The following TMEM130 variants were observed in gnomAD, a reference collection of about 807,000 sequenced individuals.
TMEM130 encodes the protein transmembrane protein 130.
TMEM130 carries 37 observed loss-of-function variants against 42.9 expected under a neutral mutation model. The observed-to-expected ratio is 0.86, with a 90% CI of 0.66 to 1.13. The LOEUF is 1.13. TMEM130 is among the 50% of genes most tolerant of loss of function. The pLI is 0.00. For synonymous variants in TMEM130, 259 were observed against 237.7 expected, an observed-to-expected ratio of 1.09 and a Z score of -0.82; for missense variants, 545 against 562.6, an observed-to-expected ratio of 0.97 and a Z score of 0.32.
chr7:98,848,288 G>A (rs782655052), intron 7 of TMEM130, 80 bp from the exon 8 acceptor site: 14 of 1,570,222 alleles, frequency 8.9e-6, no homozygotes, highest in Non-Finnish European at 1.2e-5. Context: ...CACCCACCAG[G>A]AGCCCCATCA....
chr7:98,863,011 A>G (rs1045977483), intron 2 of TMEM130, 84 bp downstream of exon 2: 6 of 1,451,820 alleles, frequency 4.1e-6, no homozygotes, highest in Admixed American at 3.7e-5. Flanking sequence ...CCTAATCTGC[A>G]TTGATCTGAT....
chr7:98,850,942 C>T (rs188740240), intron 6 of TMEM130, among the ~76,000 whole-genome samples: 88 of 152,184 alleles, frequency 5.8e-4, no homozygotes, highest in Middle Eastern at 3.4e-3. Context: ...TGGTTGCTTT[C>T]GGTCCACAAA....
chr7:98,849,047 C>T (rs547737508), intron 6 of TMEM130, among the ~76,000 whole-genome samples: 1 of 152,198 alleles, frequency 6.6e-6, no homozygotes, highest in African/African-American at 2.4e-5. Context: ...TGAGTCTAAG[C>T]CATAAGAGAC....
In TMEM130 at chr7:98,863,116, A is replaced by C. The variant is rs1554400072; in HGVS notation, c.370T>G (p.Phe124Val). The stretch of plus-strand genomic sequence containing the variant: ...TCACCTGTGATGGGGAGGACCACAA[A>C]GCCCCTGGCCACAGGCTGGCACATC... ...CWMCQPVARG[F>V]VVLPITEFLV... Residue 124 changes from phenylalanine to valine, a missense_variant, in exon 2 of 8, where the codon TTT (phenylalanine) becomes GTT (valine). Physicochemically the swap from Phe to Val is conservative, Grantham distance 50. Transcript: ENST00000339375. 2 of 1,613,170 alleles carry C rather than the reference A, an allele frequency of 1.2e-6. No homozygotes were observed. The highest frequency in any genetic ancestry group is 3.3e-5 in the Admixed American group (2 of 60,014).
At chr7:98,857,497 C>T (rs559509936) in intron 3 of TMEM130, among the ~76,000 whole-genome samples, 2 of 152,050 alleles carry the variant, frequency 1.3e-5, no homozygotes, top group East Asian at 2.0e-4. Context: ...CCCAGAAGTT[C>T]GAGACCAGCC....
intron 5 of TMEM130, among the ~76,000 whole-genome samples, chr7:98,854,330 G>A (rs140544899): frequency 1.3e-5 from 2 of 152,148 alleles, no homozygotes; most frequent in Non-Finnish European, 2.9e-5. Context: ...CTGGAAAATA[G>A]GCCACGTCAT....
At chr7:98,851,701 G>C in intron 5 of TMEM130, 78 bp from the exon 6 acceptor site, 1 of 1,350,816 alleles carries the variant, frequency 7.4e-7, no homozygotes, top group South Asian at 1.5e-5. Flanking sequence ...AGACAGGCCA[G>C]GTGGGCAGGA....
chr7:98,848,535 C>T, intron 7 of TMEM130, 48 bp downstream of exon 7: 1 of 1,335,774 alleles, frequency 7.5e-7, no homozygotes, highest in Non-Finnish European at 1.1e-6. Context: ...TAAACATCCT[C>T]TCTAGGCAAG....
intron 7 of TMEM130, 164 bp from the exon 8 acceptor site, chr7:98,848,372 A>G (rs1401088262): frequency 8.3e-6 from 7 of 844,564 alleles, no homozygotes; most frequent in African/African-American, 6.9e-5. Context: ...CAGATGCAAG[A>G]GATGGATATA....
intron 1 of TMEM130, among the ~76,000 whole-genome samples, chr7:98,864,378 T>TTTA: frequency 6.7e-6 from 1 of 150,232 alleles, no homozygotes; most frequent in South Asian, 2.1e-4. Context: ...GGCTGATTTT[T>TTTA]TTCTTTTTTT....
chr7:98,855,860 C>T (rs531429975), intron 4 of TMEM130, among the ~76,000 whole-genome samples, 157 bp downstream of exon 4: 51 of 152,328 alleles, frequency 3.3e-4, no homozygotes, highest in African/African-American at 1.2e-3. Context: ...TGGCCTGCAG[C>T]GCTCTGTCTG....
intron 6 of TMEM130, among the ~76,000 whole-genome samples, chr7:98,850,266 TA>T (rs1347910589): frequency 0.03 from 1,550 of 52,190 alleles, 56 homozygotes; most frequent in African/African-American, 0.085. Flanking sequence ...TATATATATA[TA>T]TATATATTTT....
At chr7:98,862,792 G>A (rs558622824) in intron 2 of TMEM130, among the ~76,000 whole-genome samples, 295 of 152,226 alleles carry the variant, frequency 1.9e-3, no homozygotes, top group Non-Finnish European at 3.3e-3. Flanking sequence ...GAGCCACCGC[G>A]CCCAGCTGAG....
rs142686387 is a variant in TMEM130 at position 98,852,446 on chromosome 7, A to G, written c.804-823T>C. Among the ~76,000 whole-genome samples, 1,294 of 151,946 alleles carry G rather than the reference A, an allele frequency of 8.5e-3. 12 individuals are homozygous for G. Among genetic ancestry groups the G allele is most frequent in the Middle Eastern group, 0.027 (8 of 294 alleles). On this transcript the variant is annotated intron_variant, in intron 5 of 7. Coordinates refer to ENST00000339375, the MANE Select transcript of TMEM130 (RefSeq NM_152913.3). ...CGCCTGGCCAATTTTTTAATTTTTTAATAGCGATGGGACTATATTGCCCAG... is the reference window on the plus strand; with the variant it reads ...CGCCTGGCCAATTTTTTAATTTTTTGATAGCGATGGGACTATATTGCCCAG...
intron 5 of TMEM130, among the ~76,000 whole-genome samples, chr7:98,853,557 G>C (rs1030229545): frequency 6.6e-6 from 1 of 152,338 alleles, no homozygotes. Context: ...GAACCCGGGA[G>C]GCGGAGGTTG....
chr7:98,853,622 T>C (rs1157537378), intron 5 of TMEM130, among the ~76,000 whole-genome samples: 1 of 152,134 alleles, frequency 6.6e-6, no homozygotes, highest in Non-Finnish European at 1.5e-5. Flanking sequence ...AGCGAGTCTC[T>C]GTCTGAAAAA....
At chr7:98,853,898 C>A (rs1216559280) in intron 5 of TMEM130, among the ~76,000 whole-genome samples, 1 of 152,230 alleles carries the variant, frequency 6.6e-6, no homozygotes, top group Non-Finnish European at 1.5e-5. Context: ...CCTTGGAAAT[C>A]TTGTCTACTC....
chr7:98,860,694 C>T (rs1554399676), intron 2 of TMEM130, among the ~76,000 whole-genome samples: 1 of 152,038 alleles, frequency 6.6e-6, no homozygotes, highest in African/African-American at 2.4e-5. Context: ...CCTGTAATCC[C>T]AGCACTTTGG....
In TMEM130 at chr7:98,869,351, G is replaced by A. The variant is rs569962896; in HGVS notation, c.85+426C>T. 71 of 1,215,404 alleles carry A rather than the reference G, an allele frequency of 5.8e-5. 3 individuals carry two copies. In the South Asian group the frequency reaches 9.9e-4, roughly 17 times the overall value. 75.3% of individuals were successfully genotyped at this position (1,215,404 alleles called of 1,614,324 possible). On this transcript the variant is annotated intron_variant, in intron 1 of 7. Transcript: ENST00000339375. The surrounding 1 kb of genome is among the most constrained non-coding windows in gnomAD (Gnocchi z 4.7). ...CCCTCTAGATGAGGCGACATTTTAA[G>A]GCAAAAACGTTGCCCATCCCGTGCT...
Sources: gnomAD v4.1 joint callset for allele counts (sites outside exome capture counted in the v4.1 genomes callset) on GRCh38, gnomAD v4.1.1 for gene constraint, Gnocchi (gnomAD v3.1) non-coding constraint, MANE v1.5 for transcripts, NCBI Gene and HGNC (gene_info 2026-07-23, HGNC 2026-07-21) for gene names.